Variants in ANKRD30B observed in about 807,000 individuals in gnomAD.
ANKRD30B encodes the protein ankyrin repeat domain-containing protein 30B.
ANKRD30B carries 144 observed loss-of-function variants against 202.2 expected under a neutral mutation model. That is an observed-to-expected ratio of 0.71 (90% CI 0.62 to 0.82). ANKRD30B has a LOEUF of 0.82. Among genes scored for constraint, ANKRD30B ranks in the 40% least tolerant of loss-of-function variants. ANKRD30B has a pLI of 0.00. For synonymous variants in ANKRD30B, 508 were observed against 561.3 expected, an observed-to-expected ratio of 0.91 and a Z score of 1.34; for missense variants, 1,487 against 1,669.1, an observed-to-expected ratio of 0.89 and a Z score of 1.90.
chr18:14,752,437 G>A (rs1479157979), intron 1 of ANKRD30B, 129 bp from the exon 2 acceptor site: 2 of 659,724 alleles, frequency 3.0e-6, no homozygotes, highest in African/African-American at 3.7e-5. Flanking sequence ...ACTTTCTTCA[G>A]GAGAATATTA....
chr18:14,819,359 T>G (rs879624009), intron 30 of ANKRD30B, among the ~76,000 whole-genome samples: 2 of 151,536 alleles, frequency 1.3e-5, no homozygotes, highest in Non-Finnish European at 2.9e-5. Flanking sequence ...AGAAGCTCTT[T>G]AGTTTAATTA....
the ANKRD30B span, among the ~76,000 whole-genome samples, chr18:14,907,056 T>A: frequency 1.2e-4 from 18 of 152,156 alleles, 1 homozygote; most frequent in Admixed American, 4.6e-4. Context: ...GTCAAAGTTC[T>A]TATTATGAAG....
chr18:14,939,517 A>C, the ANKRD30B span, among the ~76,000 whole-genome samples: 1 of 152,184 alleles, frequency 6.6e-6, no homozygotes, highest in African/African-American at 2.4e-5. Context: ...CTGCACTGGA[A>C]TTTGGAGAAA....
chr18:14,860,868 C>T, the ANKRD30B span, among the ~76,000 whole-genome samples: 1 of 151,984 alleles, frequency 6.6e-6, no homozygotes, highest in African/African-American at 2.4e-5. Context: ...CCACACTTGG[C>T]AAATTTTGGT....
chr18:14,820,492 T>C (rs1486115591), intron 30 of ANKRD30B, among the ~76,000 whole-genome samples: 1 of 152,176 alleles, frequency 6.6e-6, no homozygotes, highest in African/African-American at 2.4e-5. Context: ...TGATATTGGC[T>C]GTGGGTTTGT....
chr18:14,784,177 T>C (rs899409626), intron 12 of ANKRD30B, among the ~76,000 whole-genome samples, 159 bp from the exon 13 acceptor site: 6 of 152,140 alleles, frequency 3.9e-5, no homozygotes, highest in Non-Finnish European at 7.4e-5. Context: ...ATTCCTGTCA[T>C]GTGTGTGTCC....
chr18:14,807,186 A>G (rs1301673865), intron 24 of ANKRD30B, among the ~76,000 whole-genome samples: 1 of 151,000 alleles, frequency 6.6e-6, no homozygotes, highest in Non-Finnish European at 1.5e-5. Flanking sequence ...TAAATATATT[A>G]AAGTGTGTCT....
At chr18:14,790,509 T>A (rs1354132352) in intron 15 of ANKRD30B, among the ~76,000 whole-genome samples, 2 of 152,202 alleles carry the variant, frequency 1.3e-5, no homozygotes, top group Non-Finnish European at 2.9e-5. Flanking sequence ...CAATTCAGTA[T>A]GATATTGGCT....
At chr18:14,758,178 G>A (rs1914676553) in intron 5 of ANKRD30B, among the ~76,000 whole-genome samples, 1 of 152,134 alleles carries the variant, frequency 6.6e-6, no homozygotes, top group African/African-American at 2.4e-5. Flanking sequence ...CTAGGCTCGG[G>A]ATAAACACAG....
chr18:14,918,071 G>A, the ANKRD30B span, among the ~76,000 whole-genome samples: 1 of 152,162 alleles, frequency 6.6e-6, no homozygotes, highest in African/African-American at 2.4e-5. Context: ...AAAGCGGGGT[G>A]TGGATGAGAA....
the ANKRD30B span, among the ~76,000 whole-genome samples, chr18:14,932,497 C>T: frequency 7.2e-5 from 11 of 151,902 alleles, no homozygotes; most frequent in African/African-American, 2.2e-4. Context: ...CCACCGCGCC[C>T]GGCTAACTTT....
chr18:14,856,507 G>C (rs1263990432), downstream of ANKRD30B, among the ~76,000 whole-genome samples: 6 of 136,842 alleles, frequency 4.4e-5, no homozygotes, highest in East Asian at 4.4e-4. Context: ...GGCGGCTGGG[G>C]AGAGGTGCTC....
chr18:14,756,143 T>C (rs1914321085), intron 4 of ANKRD30B, among the ~76,000 whole-genome samples: 1 of 152,266 alleles, frequency 6.6e-6, no homozygotes, highest in Non-Finnish European at 1.5e-5. Context: ...TTTGCATTTC[T>C]CTGATGGCCA....
chr18:14,800,364 G>A (rs1180354837), intron 22 of ANKRD30B, among the ~76,000 whole-genome samples: 2 of 148,580 alleles, frequency 1.3e-5, no homozygotes, highest in African/African-American at 2.5e-5. Context: ...TCGTTGTCTT[G>A]CCCAGGCTGG....
the ANKRD30B span, among the ~76,000 whole-genome samples, chr18:14,933,040 T>C: frequency 6.6e-6 from 1 of 152,256 alleles, no homozygotes; most frequent in South Asian, 2.1e-4. Context: ...TTTCGTTGTG[T>C]GGCTAAGACT....
At chr18:14,871,898 G>C in the ANKRD30B span, among the ~76,000 whole-genome samples, 5 of 152,272 alleles carry the variant, frequency 3.3e-5, no homozygotes, top group South Asian at 8.3e-4. Context: ...AATACTAATG[G>C]TATAATTTTG....
At chr18:14,782,474 A>C in intron 11 of ANKRD30B, 53 bp from the exon 12 acceptor site, 1 of 1,286,858 alleles carries the variant, frequency 7.8e-7, no homozygotes, top group Non-Finnish European at 1.1e-6. Flanking sequence ...AGGAATTTTG[A>C]TGCTTCTTAT....
chr18:14,759,492 A>G (rs1261463787), intron 5 of ANKRD30B, among the ~76,000 whole-genome samples: 1 of 152,226 alleles, frequency 6.6e-6, no homozygotes, highest in African/African-American at 2.4e-5. Context: ...GAAATGAGAA[A>G]ATACCAACTT....
Position 14,778,077 on chromosome 18 carries a change from T to C in ANKRD30B, c.1420+2T>C. ...AAACAATAAATCACAAAATAGAAGGTAAGAACCATTTTTTATTTAAAACAT... is the reference window on the plus strand; with the variant it reads ...AAACAATAAATCACAAAATAGAAGGCAAGAACCATTTTTTATTTAAAACAT... On this transcript the variant is annotated splice_donor_variant, in intron 10 of 43. Coordinates refer to ENST00000690538, the MANE Select transcript of ANKRD30B (RefSeq NM_001367607.2). LOFTEE classifies it high-confidence loss of function. The C allele has an allele frequency of 6.6e-7, 1 of 1,524,568 alleles. No homozygotes were observed. The allele number at this position is 1,524,568 out of a possible 1,614,324, so 94.4% of individuals were successfully genotyped here.
Sources: allele counts gnomAD v4.1 joint callset (sites outside exome capture counted in the v4.1 genomes callset), GRCh38; gene constraint gnomAD v4.1.1; transcripts MANE v1.5; gene names NCBI Gene and HGNC (gene_info 2026-07-23, HGNC 2026-07-21).